RPGRIP1: variants seen among roughly 807,000 people sequenced by gnomAD.
RPGRIP1 encodes X-linked retinitis pigmentosa GTPase regulator-interacting protein 1.
RPGRIP1 carries 128 observed loss-of-function variants against 157.9 expected under a neutral mutation model. That is an observed-to-expected ratio of 0.81 (90% CI 0.70 to 0.94). The LOEUF is 0.94. Among genes scored for constraint, RPGRIP1 ranks in the 40% least tolerant of loss-of-function variants. The probability of loss-of-function intolerance (pLI) is 0.00; values close to 1 mark genes in which losing one functional copy is unlikely to be tolerated. For synonymous variants in RPGRIP1, 554 were observed against 571.6 expected, an observed-to-expected ratio of 0.97 and a Z score of 0.44; for missense variants, 1,486 against 1,545.8, an observed-to-expected ratio of 0.96 and a Z score of 0.65.
chr14:21,314,711 C>A (rs1163227032), intron 10 of RPGRIP1, among the ~76,000 whole-genome samples: 1 of 113,108 alleles, frequency 8.8e-6, no homozygotes, highest in African/African-American at 3.6e-5. Context: ...AAAACTCTGT[C>A]TCGAAAAAAA....
chr14:21,305,885 A>C (rs896186397), intron 6 of RPGRIP1, among the ~76,000 whole-genome samples: 6 of 151,558 alleles, frequency 4.0e-5, no homozygotes, highest in African/African-American at 1.4e-4. Context: ...ACAAAACAAA[A>C]AAAGACCATA....
At chr14:21,308,056 T>A (rs1286698550) in intron 7 of RPGRIP1, among the ~76,000 whole-genome samples, 2 of 152,202 alleles carry the variant, frequency 1.3e-5, no homozygotes, top group Non-Finnish European at 2.9e-5. Flanking sequence ...AGAGGAAGGC[T>A]CAAGCTCTGC....
At chr14:21,313,787 G>GA (rs113356233) in intron 10 of RPGRIP1, among the ~76,000 whole-genome samples, 31,188 of 130,580 alleles carry the variant, frequency 0.24, 3,673 homozygotes, top group African/African-American at 0.27. Context: ...GACTTCCTCT[G>GA]AAAAAAAAAA....
At chr14:21,294,012 C>T (rs1594166200) in intron 2 of RPGRIP1, among the ~76,000 whole-genome samples, 2 of 124,130 alleles carry the variant, frequency 1.6e-5, no homozygotes, top group South Asian at 5.2e-4. Flanking sequence ...AAGATCACAC[C>T]AGTGTACTCT....
Position 21,350,391 on chromosome 14 carries a change from A to AC in RPGRIP1, c.3749-713_3749-712insC, listed in dbSNP as rs59849893. On this transcript the variant is annotated intron_variant, in intron 24 of 24. Coordinates refer to ENST00000400017, the MANE Select transcript of RPGRIP1 (RefSeq NM_020366.4). Reference sequence around the variant, plus strand: ...ACTCTGTCTCCAAAAAAAAAAAAAAAAAAAAGAAAACAGGAATTAAGAGTA... The same window carrying AC: ...ACTCTGTCTCCAAAAAAAAAAAAAAACAAAAAGAAAACAGGAATTAAGAGTA... Among the ~76,000 whole-genome samples the AC allele has an allele frequency of 5.0e-4, 72 of 142,794 alleles. 1 individual carries two copies. The highest frequency in any genetic ancestry group is 1.3e-3 in the African/African-American group (50 of 37,990). 93.7% of individuals were successfully genotyped at this position (142,794 alleles called of 152,430 possible).
At chr14:21,304,391 GAAAGAAA>G (rs1881192704) in intron 6 of RPGRIP1, among the ~76,000 whole-genome samples, 4 of 29,130 alleles carry the variant, frequency 1.4e-4, no homozygotes, top group Admixed American at 8.2e-4. Flanking sequence ...AGGAGAGAGA[GAAAGAAA>G]GAAAGAAAGA....
intron 21 of RPGRIP1, among the ~76,000 whole-genome samples, chr14:21,339,706 A>G (rs1349331771): frequency 6.6e-6 from 1 of 152,202 alleles, no homozygotes; most frequent in Non-Finnish European, 1.5e-5. Context: ...GAGATTTCAT[A>G]CTGTGTGCCA....
chr14:21,329,206 T>A lies in RPGRIP1; in HGVS notation c.3099+579T>A, dbSNP rs538298420. Among the ~76,000 whole-genome samples, 5 of 149,912 alleles carry A rather than the reference T, an allele frequency of 3.3e-5. No homozygotes were observed. In the East Asian group the frequency reaches 1.0e-3, roughly 30 times the overall value. The stretch of plus-strand genomic sequence containing the variant: ...GGTATGTGCCTGTAATCCCAGCTAC[T>A]CAGTCGGGAGGCTGAGGTAGGAGAA... On this transcript the variant is annotated intron_variant, in intron 19 of 24. Coordinates refer to ENST00000400017, the MANE Select transcript of RPGRIP1 (RefSeq NM_020366.4).
At chr14:21,288,625 C>CT (rs963486819) in intron 2 of RPGRIP1, among the ~76,000 whole-genome samples, 3 of 151,804 alleles carry the variant, frequency 2.0e-5, no homozygotes, top group African/African-American at 7.3e-5. Context: ...AGCAGTTCTC[C>CT]TACCTCAGAC....
At chr14:21,292,012 C>A (rs532930625) in intron 2 of RPGRIP1, among the ~76,000 whole-genome samples, 1 of 152,238 alleles carries the variant, frequency 6.6e-6, no homozygotes, top group South Asian at 2.1e-4. Flanking sequence ...CCGGCCTCAG[C>A]CTCCCAAAGT....
rs539083010 is a variant in RPGRIP1, at chr14:21,306,112, C to CTTTTTTTT, written c.801-1589_801-1582dup. ...AGCTCCTAGGTTCAGGAATAATAGT[C>CTTTTTTTT]TTTTTTTTTTTTTTTTTTTTTTTTT... On this transcript the variant is annotated intron_variant, in intron 6 of 24. Transcript: ENST00000400017. Among the ~76,000 whole-genome samples the CTTTTTTTT allele has an allele frequency of 1.8e-4, 8 of 44,790 alleles. 1 individual carries two copies. Among genetic ancestry groups the CTTTTTTTT allele is most frequent in the African/African-American group, 2.7e-4 (3 of 11,188 alleles). 29.4% of individuals were successfully genotyped at this position (44,790 alleles called of 152,430 possible). A position where few individuals can be genotyped will look rare whatever the true frequency, so the allele number is the denominator to read the frequency against.
intron 3 of RPGRIP1, among the ~76,000 whole-genome samples, chr14:21,297,911 A>G (rs564142889): frequency 2.1e-5 from 3 of 140,714 alleles, no homozygotes; most frequent in South Asian, 2.2e-4. Context: ...TCTGGCACAC[A>G]GGCTGGAGTG....
rs1433425390 is a variant in RPGRIP1, at chr14:21,341,535, CAGAT to C, written c.3340-1497_3340-1494del. On this transcript the variant is annotated intron_variant, in intron 21 of 24. Coordinates refer to ENST00000400017, the MANE Select transcript of RPGRIP1 (RefSeq NM_020366.4). ...AAAGAAGCATACAGGAGGGCACTCA[CAGAT>C]AGAGGGGAGAGCGCTATGGCTGGTA... Among the ~76,000 whole-genome samples the C allele has an allele frequency of 2.6e-5, 4 of 152,216 alleles. No homozygotes were observed. The East Asian group carries it at 7.7e-4, about 29-fold the overall frequency.
intron 1 of RPGRIP1, among the ~76,000 whole-genome samples, chr14:21,281,017 CTTTTCT>C (rs999941323): frequency 8.1e-5 from 12 of 147,266 alleles, no homozygotes; most frequent in African/African-American, 2.8e-4. Flanking sequence ...CTACCTTGGG[CTTTTCT>C]TTTTTTTTTT....
At chr14:21,345,219 T>C in intron 23 of RPGRIP1, 22 bp downstream of exon 23, 1 of 1,557,552 alleles carries the variant, frequency 6.4e-7, no homozygotes, top group Non-Finnish European at 8.8e-7. Context: ...CTTTCCACTT[T>C]GAAACAAAGG....
chr14:21,308,921 G>T (rs963785450), intron 7 of RPGRIP1, among the ~76,000 whole-genome samples: 8 of 152,038 alleles, frequency 5.3e-5, no homozygotes, highest in Non-Finnish European at 7.4e-5. Flanking sequence ...AATGAAGGGC[G>T]CCATGATGTT....
chr14:21,314,730 A>G (rs548740895), intron 10 of RPGRIP1, among the ~76,000 whole-genome samples: 1 of 150,450 alleles, frequency 6.6e-6, no homozygotes, highest in African/African-American at 2.4e-5. Flanking sequence ...AAAAAAAAAA[A>G]TAGCCGGGCA....
At chr14:21,347,208 T>G (rs1885653743) in intron 23 of RPGRIP1, among the ~76,000 whole-genome samples, 1 of 152,384 alleles carries the variant, frequency 6.6e-6, no homozygotes, top group South Asian at 2.1e-4. Context: ...GCAGGCTTTG[T>G]AATCAGACCA....
rs778197822 is a variant in RPGRIP1, at chr14:21,324,939, A to G, written c.2084A>G (p.Gln695Arg). 15 of 1,613,868 alleles carry G rather than the reference A, an allele frequency of 9.3e-6. No individual in the cohort carries two copies. In the East Asian group the frequency reaches 3.3e-4, roughly 36 times the overall value. ...GATTCGCTTTTCTTACACTACCTTC[A>G]AGAGGCTTCAGCCCGGCTTGACATA... The part of the protein sequence containing the change: ...ETDSLFLHYL[Q>R]EASARLDIHQ... Residue 695 changes from glutamine to arginine, a missense_variant, in exon 15 of 25, where the codon CAA (glutamine) becomes CGA (arginine). Physicochemically the swap from Gln to Arg is conservative, Grantham distance 43. Coordinates refer to ENST00000400017, the MANE Select transcript of RPGRIP1 (RefSeq NM_020366.4).
Sources: allele counts gnomAD v4.1 joint callset (sites outside exome capture counted in the v4.1 genomes callset), GRCh38; gene constraint gnomAD v4.1.1; transcripts MANE v1.5; gene names NCBI Gene and HGNC (gene_info 2026-07-23, HGNC 2026-07-21).